ZEB1: variants seen among roughly 807,000 people sequenced by gnomAD.
The protein encoded by ZEB1 is zinc finger E-box binding homeobox 1.
In ZEB1, 21 loss-of-function variants were observed where a neutral mutation model predicts 84.9. That is an observed-to-expected ratio of 0.25 (90% CI 0.18 to 0.36). ZEB1 has a LOEUF of 0.36. Among genes scored for constraint, ZEB1 ranks in the 10% least tolerant of loss-of-function variants. The pLI is 1.00. For missense variants in ZEB1, 1,104 were observed against 1,330.2 expected (o/e 0.83, Z 2.65); for synonymous variants, 420 against 471.1 (o/e 0.89, Z 1.41).
At chr10:31,389,602 T>A (rs1254579714) in intron 1 of ZEB1, 5 of 152,048 alleles carry the variant, frequency 3.3e-5, no homozygotes, top group Non-Finnish European at 2.9e-5. Flanking sequence ...GATTTTTTTT[T>A]AGAGATGGGA....
chr10:31,386,911 C>G (rs1351910870), intron 1 of ZEB1, among the ~76,000 whole-genome samples: 1 of 152,100 alleles, frequency 6.6e-6, no homozygotes, highest in East Asian at 1.9e-4. Flanking sequence ...GGATGTTGAA[C>G]TAGTCACTTA....
chr10:31,434,021 A>G (rs985457864), intron 1 of ZEB1, among the ~76,000 whole-genome samples: 19 of 152,230 alleles, frequency 1.2e-4, no homozygotes, highest in Non-Finnish European at 2.4e-4. Context: ...TGCATGCCCT[A>G]CTTTATTTTT....
intron 1 of ZEB1, among the ~76,000 whole-genome samples, chr10:31,369,789 C>T (rs1339398447): frequency 1.3e-5 from 2 of 152,074 alleles, no homozygotes; most frequent in Non-Finnish European, 2.9e-5. Flanking sequence ...TACTATTTAC[C>T]ATAATGGCTG....
At chr10:31,325,548 C>T (rs1007736523) in intron 1 of ZEB1, among the ~76,000 whole-genome samples, 2 of 151,962 alleles carry the variant, frequency 1.3e-5, no homozygotes. Context: ...GAAAACCTTA[C>T]AGTATGGCAA....
At chr10:31,424,769 G>A (rs1169658946) in intron 1 of ZEB1, among the ~76,000 whole-genome samples, 1 of 151,826 alleles carries the variant, frequency 6.6e-6, no homozygotes, top group Non-Finnish European at 1.5e-5. Flanking sequence ...TTTGACATGT[G>A]GTTTGTTGAT....
chr10:31,433,669 T>C (rs2057978975), intron 1 of ZEB1, among the ~76,000 whole-genome samples: 1 of 152,196 alleles, frequency 6.6e-6, no homozygotes, highest in African/African-American at 2.4e-5. Context: ...TAAAAAGACA[T>C]ACACTACAGG....
chr10:31,414,771 A>G (rs79115941), intron 1 of ZEB1, among the ~76,000 whole-genome samples: 2,306 of 152,308 alleles, frequency 0.015, 43 homozygotes, highest in African/African-American at 0.052. Context: ...TTTACCTGTC[A>G]TAACTGTCTC....
At chr10:31,328,241 A>G (rs369001577) in intron 1 of ZEB1, among the ~76,000 whole-genome samples, 179 of 152,284 alleles carry the variant, frequency 1.2e-3, no homozygotes, top group African/African-American at 4.2e-3. Flanking sequence ...CTTTCTTAAG[A>G]GGAACAAGTA....
At chr10:31,516,004 A>G (rs1440757532) in intron 6 of ZEB1, among the ~76,000 whole-genome samples, 4 of 152,100 alleles carry the variant, frequency 2.6e-5, no homozygotes, top group Non-Finnish European at 1.5e-5. Context: ...ATAATGAGTC[A>G]TATTCATTTT....
chr10:31,412,958 C>A (rs773444378), intron 1 of ZEB1, among the ~76,000 whole-genome samples: 1 of 152,098 alleles, frequency 6.6e-6, no homozygotes, highest in Non-Finnish European at 1.5e-5. Flanking sequence ...GCTTGTCTGG[C>A]AAACAGACAA....
intron 1 of ZEB1, among the ~76,000 whole-genome samples, chr10:31,407,782 A>G (rs1454247513): frequency 1.3e-5 from 2 of 151,396 alleles, no homozygotes; most frequent in Admixed American, 6.6e-5. Context: ...CCCACAGCCA[A>G]TATCATACTG....
intron 2 of ZEB1, among the ~76,000 whole-genome samples, chr10:31,488,298 C>G (rs946661100): frequency 6.6e-6 from 1 of 151,076 alleles, no homozygotes; most frequent in African/African-American, 2.4e-5. Context: ...TGTTTAGTGT[C>G]TGATTTTCAA....
rs546800386 is a variant in ZEB1, at chr10:31,385,503, TTTTTTCTTTTCTTTTTTTC to T, written c.58+66230_58+66248del. Among the ~76,000 whole-genome samples the T allele has an allele frequency of 3.9e-4, 59 of 151,990 alleles. No homozygotes were observed. The South Asian group carries it at 9.3e-3, about 24-fold the overall frequency. ...TTCAGCATTTCTTCATTTTGTTTTC[TTTTTTCTTTTCTTTTTTTC>T]TTTTTCTTTTCTTTTTTTTTTTGAG... On this transcript the variant is annotated intron_variant, in intron 1 of 8. Transcript: ENST00000424869.
In ZEB1 at chr10:31,523,996, T is replaced by C; in HGVS notation, c.2668T>C (p.Ser890Pro). The change falls in exon 8 of 9, where the codon TCT (serine) becomes CCT (proline). Residue 890 changes from serine to proline, a missense_variant. Physicochemically the swap from Ser to Pro is moderately conservative, Grantham distance 74. Around this residue, in one of 7 missense-constraint regions of ZEB1, gnomAD observed 531 missense variants for 575.2 expected, o/e 0.92. Transcript: ENST00000424869. ...TGTAGAGGATCAGAATGACTCTGAT[T>C]CTACACCGCCCAAAAAGAAAATGCG... The part of the protein sequence containing the change: ...SNVEDQNDSD[S>P]TPPKKKMRKT... 1 of 1,613,946 alleles carries C rather than the reference T, an allele frequency of 6.2e-7. No individual in the cohort carries two copies. The highest frequency in any genetic ancestry group is 8.5e-7 in the Non-Finnish European group (1 of 1,179,914).
intron 1 of ZEB1, among the ~76,000 whole-genome samples, chr10:31,365,159 G>T (rs940438227): frequency 1.3e-5 from 2 of 152,148 alleles, no homozygotes; most frequent in South Asian, 2.1e-4. Flanking sequence ...CAGTTTCTCT[G>T]GTCTTCCTGG....
chr10:31,453,899 A>G (rs923491761), intron 1 of ZEB1, among the ~76,000 whole-genome samples: 1 of 152,174 alleles, frequency 6.6e-6, no homozygotes, highest in Non-Finnish European at 1.5e-5. Flanking sequence ...ATCCTCCCGA[A>G]CTCATTTTAT....
At chr10:31,474,533 A>G (rs1434645486) in intron 2 of ZEB1, among the ~76,000 whole-genome samples, 1 of 152,194 alleles carries the variant, frequency 6.6e-6, no homozygotes, top group African/African-American at 2.4e-5. Context: ...ACCAGTTAGA[A>G]TGGCAATCAT....
rs756437965 is a variant in ZEB1, at chr10:31,521,451, T to A, written c.2119T>A (p.Ser707Thr). The part of the protein sequence containing the change: ...NGSRSSTPSP[S>T]PLNLSSSRNT... Reference sequence around the variant, plus strand: ...TTCCAGAAGTAGTACACCATCCCCATCACCTCTAAACCTTTCCTCATCCAG... The same window carrying A: ...TTCCAGAAGTAGTACACCATCCCCAACACCTCTAAACCTTTCCTCATCCAG... Residue 707 changes from serine to threonine, a missense_variant, in exon 7 of 9, where the codon TCA becomes ACA. By Grantham distance (58) the Ser-to-Thr change is moderately conservative. Transcript: ENST00000424869. 1 of 1,614,000 alleles carries A rather than the reference T, an allele frequency of 6.2e-7. No homozygotes were observed. The highest frequency in any genetic ancestry group is 1.1e-5 in the South Asian group (1 of 91,082).
intron 1 of ZEB1, among the ~76,000 whole-genome samples, chr10:31,348,788 A>G (rs1390897118): frequency 6.6e-6 from 1 of 152,236 alleles, no homozygotes; most frequent in East Asian, 1.9e-4. Context: ...CACAAAATAC[A>G]AAATATTTTC....
Sources: gnomAD v4.1 joint callset for allele counts (sites outside exome capture counted in the v4.1 genomes callset) on GRCh38, gnomAD v4.1.1 for gene constraint, gnomAD v4.1.1 regional missense constraint, MANE v1.5 for transcripts, NCBI Gene and HGNC (gene_info 2026-07-23, HGNC 2026-07-21) for gene names.